Variants in CMSS1 observed in about 807,000 individuals in gnomAD.
CMSS1 encodes cms1 ribosomal small subunit homolog.
In CMSS1, 33 loss-of-function variants were observed where a neutral mutation model predicts 43.5. The ratio of observed to expected loss-of-function variants is 0.76; its 90% CI spans 0.57 to 1.01. CMSS1 has a LOEUF of 1.01. Ranked by LOEUF, CMSS1 falls within the 50% of genes least tolerant of loss-of-function variation. CMSS1 has a pLI of 0.00. For synonymous variants in CMSS1, 115 were observed against 117.2 expected, an observed-to-expected ratio of 0.98 and a Z score of 0.12; for missense variants, 313 against 326.4, an observed-to-expected ratio of 0.96 and a Z score of 0.32.
intron 1 of CMSS1, among the ~76,000 whole-genome samples, chr3:99,955,032 A>G (rs1333519762): frequency 4.6e-5 from 7 of 152,226 alleles, no homozygotes; most frequent in Admixed American, 4.6e-4. Context: ...TATAATGGTA[A>G]ATGAAAGGGT....
intron 1 of CMSS1, among the ~76,000 whole-genome samples, chr3:99,821,301 C>T (rs1942434231): frequency 6.6e-6 from 1 of 152,192 alleles, no homozygotes. Flanking sequence ...TGTAGGCAGA[C>T]ATATAATTTC....
chr3:100,178,423 TAGAAG>T lies in CMSS1; in HGVS notation c.*36_*40del. 10 of 1,339,892 alleles carry T rather than the reference TAGAAG, an allele frequency of 7.5e-6. No individual in the cohort carries two copies. Among genetic ancestry groups the T allele is most frequent in the Non-Finnish European group, 1.1e-5 (10 of 937,916 alleles). The allele number at this position is 1,339,892 out of a possible 1,614,324, so 83.0% of individuals were successfully genotyped here. On this transcript the variant is annotated 3_prime_UTR_variant, in exon 10 of 10. Transcript: ENST00000421999. ...CTAATGAAGATTCCAGTTTTCACAG[TAGAAG>T]TTGCATCTTATTTAATGACTCTGAT...
intron 1 of CMSS1, chr3:100,141,697 G>A (rs2066806683): frequency 2.5e-6 from 1 of 392,514 alleles, no homozygotes; most frequent in Non-Finnish European, 5.0e-6. Flanking sequence ...GTTGCCAGGG[G>A]TTGAAAAAGG....
At chr3:99,828,761 C>T (rs1004853766) in intron 1 of CMSS1, among the ~76,000 whole-genome samples, 2 of 151,990 alleles carry the variant, frequency 1.3e-5, no homozygotes, top group African/African-American at 4.8e-5. Flanking sequence ...CAGTCTTCAC[C>T]TTCTTTTGTA....
chr3:100,124,908 C>T (rs1371983961), intron 1 of CMSS1, among the ~76,000 whole-genome samples: 1 of 151,918 alleles, frequency 6.6e-6, no homozygotes, highest in African/African-American at 2.4e-5. Context: ...TCCCCGTTTT[C>T]AGTCTGTACC....
At chr3:99,984,054 G>GTGTGTGTGTGTGTGTGTGTT (rs1256455306) in intron 1 of CMSS1, among the ~76,000 whole-genome samples, 1 of 151,782 alleles carries the variant, frequency 6.6e-6, no homozygotes, top group Non-Finnish European at 1.5e-5. Flanking sequence ...GTATATGTAT[G>GTGTGTGTGTGTGTGTGTGTT]TGTGTTTGTG....
chr3:99,949,087 C>CA (rs1030106576), intron 1 of CMSS1, among the ~76,000 whole-genome samples: 4 of 151,406 alleles, frequency 2.6e-5, no homozygotes, highest in Non-Finnish European at 5.9e-5. Flanking sequence ...GAGTAAATTC[C>CA]AAAAAAAATT....
rs774173611 is a variant in CMSS1, at chr3:99,849,690, C to A, written c.64+31647C>A. On this transcript the variant is annotated intron_variant, in intron 1 of 9. Coordinates refer to ENST00000421999, the MANE Select transcript of CMSS1 (RefSeq NM_032359.4). ...GAGCTTTGTCTCGTTCATTAGCATA[C>A]CTTCGTTCTAGAGTCTCATATTCAT... 8 of 1,613,546 alleles carry A rather than the reference C, an allele frequency of 5.0e-6. No individual in the cohort carries two copies. In the Admixed American group the frequency reaches 1.3e-4, roughly 27 times the overall value.
intron 1 of CMSS1, among the ~76,000 whole-genome samples, chr3:99,894,094 G>GT (rs1380371734): frequency 1.3e-5 from 2 of 152,260 alleles, no homozygotes; most frequent in East Asian, 3.9e-4. Context: ...GATACTCAAA[G>GT]TTTTTTTGTG....
intron 1 of CMSS1, among the ~76,000 whole-genome samples, chr3:99,916,228 A>G (rs958591568): frequency 2.6e-5 from 4 of 152,140 alleles, no homozygotes; most frequent in Admixed American, 6.5e-5. Flanking sequence ...TGCCTGGGTT[A>G]ATTGCACTGG....
intron 1 of CMSS1, among the ~76,000 whole-genome samples, chr3:100,061,125 G>A (rs370811744): frequency 6.6e-6 from 1 of 151,876 alleles, no homozygotes; most frequent in South Asian, 2.1e-4. Context: ...AGGCAGAAAG[G>A]CACTGTTAAA....
chr3:100,033,420 G>GA (rs2065053018), intron 1 of CMSS1, among the ~76,000 whole-genome samples: 2 of 152,108 alleles, frequency 1.3e-5, no homozygotes. Context: ...AATCCCCTTT[G>GA]AAAATCACAG....
rs985202416 is a variant in CMSS1 at position 99,970,739 on chromosome 3, G to A, written c.64+152696G>A. 7.2e-5 allele frequency among the ~76,000 whole-genome samples: 11 copies of A among 152,290 alleles called. No individual in the cohort carries two copies. In the East Asian group the frequency reaches 9.6e-4, roughly 13 times the overall value. On this transcript the variant is annotated intron_variant, in intron 1 of 9. Transcript: ENST00000421999. ...AGAGAGGTAGAGTACTTAAGAGAGC[G>A]TGCTACGATAGACCTCAAAGGACTT...
intron 1 of CMSS1, among the ~76,000 whole-genome samples, chr3:99,908,708 A>G (rs1336649002): frequency 1.3e-5 from 2 of 152,246 alleles, no homozygotes; most frequent in Non-Finnish European, 2.9e-5. Context: ...GGAGGATTAA[A>G]TGAGATAATC....
chr3:99,828,021 A>G (rs1942568941), intron 1 of CMSS1, among the ~76,000 whole-genome samples: 1 of 152,238 alleles, frequency 6.6e-6, no homozygotes, highest in African/African-American at 2.4e-5. Context: ...CATGGGAGAA[A>G]ACAATTTTGA....
At chr3:99,991,934 GTA>G (rs1559717201) in intron 1 of CMSS1, among the ~76,000 whole-genome samples, 2 of 144,774 alleles carry the variant, frequency 1.4e-5, no homozygotes, top group Non-Finnish European at 3.0e-5. Context: ...ACACACATAT[GTA>G]TGTGTATATA....
chr3:99,880,535 G>C (rs1451122094), intron 1 of CMSS1, among the ~76,000 whole-genome samples: 2 of 152,090 alleles, frequency 1.3e-5, no homozygotes, highest in African/African-American at 4.8e-5. Flanking sequence ...TATGACTCTA[G>C]AACAGTGACA....
chr3:99,817,904 G>A lies in CMSS1; in HGVS notation c.-76G>A. 1 of 1,515,504 alleles carries A rather than the reference G, an allele frequency of 6.6e-7. No homozygotes were observed. Among genetic ancestry groups the A allele is most frequent in the Non-Finnish European group, 9.1e-7 (1 of 1,095,104 alleles). 93.9% of individuals were successfully genotyped at this position (1,515,504 alleles called of 1,614,324 possible). ...CCGCGTGTAGCTACGCCGGCCGCCT[G>A]GCTTTGAGACAACGTGATTCTCCGC... On this transcript the variant is annotated 5_prime_UTR_variant, in exon 1 of 10. Transcript: ENST00000421999.
intron 1 of CMSS1, chr3:99,847,778 A>G (rs898510198): frequency 5.4e-6 from 1 of 184,488 alleles, no homozygotes. Context: ...CTCTCCTCTA[A>G]TATGTGATTA....
Sources: allele counts gnomAD v4.1 joint callset (sites outside exome capture counted in the v4.1 genomes callset), GRCh38; gene constraint gnomAD v4.1.1; transcripts MANE v1.5; gene names NCBI Gene and HGNC (gene_info 2026-07-23, HGNC 2026-07-21).